The following FSHR variants were observed in gnomAD, a reference collection of about 807,000 sequenced individuals.
FSHR encodes the protein follicle stimulating hormone receptor.
In FSHR, 46 loss-of-function variants were observed where a neutral mutation model predicts 52.1. The ratio of observed to expected loss-of-function variants is 0.88; its 90% CI spans 0.70 to 1.13. The LOEUF (loss-of-function observed/expected upper bound fraction) is 1.13, where lower values mean the gene tolerates loss of function less well. Ranked by LOEUF, FSHR falls within the 50% of genes most tolerant of loss-of-function variation. The pLI, the probability that FSHR is intolerant of heterozygous loss-of-function variation, is 0.00. For synonymous variants in FSHR, 399 were observed against 309.6 expected (o/e 1.29, Z -3.03); for missense variants, 964 against 834.6 (o/e 1.16, Z -1.91).
At chr2:49,078,718 T>C (rs773023459) in intron 1 of FSHR, among the ~76,000 whole-genome samples, 27 of 152,036 alleles carry the variant, frequency 1.8e-4, no homozygotes, top group Non-Finnish European at 3.1e-4. Context: ...AAGAAAAAAA[T>C]TCTTAATCTG....
At position 48,962,616 on chromosome 2, in the gene FSHR, G is replaced by T; in HGVS notation, c.*117C>A. 1.9e-6 allele frequency: 2 copies of T among 1,057,096 alleles called. No homozygotes were observed. Among genetic ancestry groups the T allele is most frequent in the Non-Finnish European group, 2.9e-6 (2 of 700,806 alleles). The allele number at this position is 1,057,096 out of a possible 1,614,324, so 65.5% of individuals were successfully genotyped here. A position where few individuals can be genotyped will look rare whatever the true frequency, so the allele number is the denominator to read the frequency against. On this transcript the variant is annotated 3_prime_UTR_variant, in exon 10 of 10. Coordinates refer to ENST00000406846, the MANE Select transcript of FSHR (RefSeq NM_000145.4). ...CCTGACCAATTTACCTTAAAGGTAT[G>T]CCAGGAATATTAAATTAGATGAAAT...
chr2:48,994,874 T>C (rs2104118511), intron 4 of FSHR, among the ~76,000 whole-genome samples: 1 of 152,302 alleles, frequency 6.6e-6, no homozygotes, highest in Non-Finnish European at 1.5e-5. Flanking sequence ...TCTAAGTTGA[T>C]GTTAGCATCT....
chr2:49,145,864 G>T (rs933577729), intron 1 of FSHR, among the ~76,000 whole-genome samples: 1 of 152,014 alleles, frequency 6.6e-6, no homozygotes, highest in Non-Finnish European at 1.5e-5. Context: ...GGTATCAAAG[G>T]TGAGTAATAT....
intron 2 of FSHR, among the ~76,000 whole-genome samples, chr2:49,021,483 T>A (rs1667694529): frequency 6.6e-6 from 1 of 152,126 alleles, no homozygotes; most frequent in Non-Finnish European, 1.5e-5. Flanking sequence ...AAGTGCTGTC[T>A]GCTGGCCTAG....
At chr2:49,053,559 C>T (rs1477111295) in intron 2 of FSHR, among the ~76,000 whole-genome samples, 3 of 152,124 alleles carry the variant, frequency 2.0e-5, no homozygotes, top group Non-Finnish European at 4.4e-5. Context: ...TTAATGATTT[C>T]TTTTTTCCCC....
intron 8 of FSHR, among the ~76,000 whole-genome samples, chr2:48,974,540 C>T (rs1156481973): frequency 6.6e-6 from 1 of 152,146 alleles, no homozygotes; most frequent in South Asian, 2.1e-4. Flanking sequence ...AAGAAAGAGG[C>T]AAAGTCACTT....
At chr2:49,122,966 C>T (rs1001946349) in intron 1 of FSHR, among the ~76,000 whole-genome samples, 2 of 152,130 alleles carry the variant, frequency 1.3e-5, no homozygotes, top group Non-Finnish European at 2.9e-5. Context: ...TCCTCTTCTC[C>T]AAGAACTGTA....
chr2:49,123,122 G>C (rs769655221), intron 1 of FSHR, among the ~76,000 whole-genome samples: 1 of 152,114 alleles, frequency 6.6e-6, no homozygotes, highest in Non-Finnish European at 1.5e-5. Flanking sequence ...GAGTCATATA[G>C]AGTCTATTTT....
intron 2 of FSHR, among the ~76,000 whole-genome samples, chr2:49,060,227 A>G (rs1669235697): frequency 6.6e-6 from 1 of 152,200 alleles, no homozygotes; most frequent in South Asian, 2.1e-4. Flanking sequence ...GTACCCTTAC[A>G]TATTGTTCGT....
At chr2:49,152,441 A>G (rs1278822381) in intron 1 of FSHR, among the ~76,000 whole-genome samples, 1 of 152,088 alleles carries the variant, frequency 6.6e-6, no homozygotes, top group African/African-American at 2.4e-5. Context: ...AATTCATACA[A>G]ATATACTCCC....
chr2:49,073,419 G>C (rs1669826449), intron 1 of FSHR, among the ~76,000 whole-genome samples: 1 of 151,894 alleles, frequency 6.6e-6, no homozygotes, highest in Non-Finnish European at 1.5e-5. Flanking sequence ...CAACATGCTG[G>C]CTGAAAGAGA....
chr2:48,994,504 T>C (rs772884029), intron 4 of FSHR, among the ~76,000 whole-genome samples: 5 of 152,050 alleles, frequency 3.3e-5, no homozygotes, highest in Admixed American at 6.6e-5. Context: ...GACCATCTAG[T>C]GAGATGGATT....
intron 4 of FSHR, among the ~76,000 whole-genome samples, chr2:49,003,651 A>G (rs73928384): frequency 0.024 from 3,716 of 152,228 alleles, 152 homozygotes; most frequent in African/African-American, 0.084. Flanking sequence ...TCTCTCAGCA[A>G]GTATTTCAGA....
In FSHR at chr2:48,963,022, G is replaced by A. The variant is rs1008534502; in HGVS notation, c.1799C>T (p.Pro600Leu). The part of the protein sequence containing the change: ...FFAISASLKV[P>L]LITVSKAKIL... ...CTTTGCTTTGGACACAGTGATGAGGGGCACCTTGAGGGAGGCAGAAATGGC... is the reference window on the plus strand; with the variant it reads ...CTTTGCTTTGGACACAGTGATGAGGAGCACCTTGAGGGAGGCAGAAATGGC... The change falls in exon 10 of 10, where the codon CCC (proline) becomes CTC (leucine). Residue 600 changes from proline to leucine, a missense_variant. By Grantham distance (98) the Pro-to-Leu change is moderately conservative (BLOSUM62 -3). Coordinates refer to ENST00000406846, the MANE Select transcript of FSHR (RefSeq NM_000145.4). The A allele has an allele frequency of 1.9e-6, 3 of 1,614,072 alleles. No homozygotes were observed. Among genetic ancestry groups the A allele is most frequent in the Non-Finnish European group, 2.5e-6 (3 of 1,180,002 alleles).
intron 2 of FSHR, among the ~76,000 whole-genome samples, chr2:49,061,753 T>TATAGTTATATATAACTATATAG (rs200761493): frequency 8.0e-6 from 1 of 124,700 alleles, no homozygotes; most frequent in East Asian, 2.4e-4. Flanking sequence ...TATATAACTA[T>TATAGTTATATATAACTATATAG]TTATATATAA....
At chr2:49,047,628 G>A (rs1668709757) in intron 2 of FSHR, among the ~76,000 whole-genome samples, 2 of 152,190 alleles carry the variant, frequency 1.3e-5, no homozygotes, top group Non-Finnish European at 1.5e-5. Flanking sequence ...TTTAGATTGG[G>A]CATTACCCAC....
intron 8 of FSHR, among the ~76,000 whole-genome samples, chr2:48,971,035 G>A (rs1674719018): frequency 6.6e-6 from 1 of 152,158 alleles, no homozygotes; most frequent in African/African-American, 2.4e-5. Context: ...TCTTAGTACT[G>A]CAGATATAAA....
At chr2:49,104,307 G>T (rs1671148606) in intron 1 of FSHR, among the ~76,000 whole-genome samples, 1 of 152,142 alleles carries the variant, frequency 6.6e-6, no homozygotes, top group African/African-American at 2.4e-5. Flanking sequence ...AGCACAGGTG[G>T]AGGATTGCTA....
At chr2:49,070,040 T>C (rs1669672218) in intron 1 of FSHR, among the ~76,000 whole-genome samples, 1 of 152,172 alleles carries the variant, frequency 6.6e-6, no homozygotes, top group Non-Finnish European at 1.5e-5. Flanking sequence ...CCTGTGGTGA[T>C]GAATCATGAG....
Sources: allele counts gnomAD v4.1 joint callset (sites outside exome capture counted in the v4.1 genomes callset), GRCh38; gene constraint gnomAD v4.1.1; transcripts MANE v1.5; gene names NCBI Gene and HGNC (gene_info 2026-07-23, HGNC 2026-07-21).